Variants in FRMPD4 observed in about 807,000 individuals in gnomAD.
FRMPD4 encodes the protein FERM and PDZ domain containing 4.
A neutral mutation model predicts 94.1 loss-of-function variants in FRMPD4; 22 were observed. The ratio of observed to expected loss-of-function variants is 0.23; its 90% CI spans 0.17 to 0.33. The LOEUF (loss-of-function observed/expected upper bound fraction) is 0.33, where lower values mean the gene tolerates loss of function less well. Among genes scored for constraint, FRMPD4 ranks in the 10% least tolerant of loss-of-function variants. The probability of loss-of-function intolerance (pLI) is 1.00; values close to 1 mark genes in which losing one functional copy is unlikely to be tolerated. For missense variants in FRMPD4, 1,111 were observed against 1,339.9 expected, an observed-to-expected ratio of 0.83 and a Z score of 2.67; for synonymous variants, 631 against 548.6, an observed-to-expected ratio of 1.15 and a Z score of -2.10.
chrX:12,648,229 C>A (rs965846258), intron 4 of FRMPD4, among the ~76,000 whole-genome samples: 1 of 111,557 alleles, frequency 9.0e-6, no homozygotes, highest in East Asian at 2.8e-4. Flanking sequence ...AGTCTTCCTT[C>A]GTAGACTTCT....
intron 3 of FRMPD4, among the ~76,000 whole-genome samples, chrX:11,911,091 C>T (rs900740023): frequency 2.7e-5 from 3 of 112,252 alleles, no homozygotes; most frequent in African/African-American, 3.2e-5. Flanking sequence ...TTTGCCATCT[C>T]GATCTCAGCT....
At chrX:12,692,652 G>A (rs1344945441) in intron 8 of FRMPD4, among the ~76,000 whole-genome samples, 1 of 112,030 alleles carries the variant, frequency 8.9e-6, no homozygotes, top group Non-Finnish European at 1.9e-5. Context: ...ATGGCTTGAG[G>A]CAACCTTTTT....
intron 1 of FRMPD4, among the ~76,000 whole-genome samples, chrX:12,205,318 G>A (rs995514795): frequency 9.0e-6 from 1 of 111,290 alleles, no homozygotes; most frequent in Admixed American, 9.5e-5. Context: ...AACCTAAATC[G>A]ACTGTCTCTT....
chrX:12,490,499 G>A (rs990824091), intron 1 of FRMPD4, among the ~76,000 whole-genome samples: 1 of 112,222 alleles, frequency 8.9e-6, no homozygotes, highest in Non-Finnish European at 1.9e-5. Flanking sequence ...CTAGAACAGC[G>A]TGTGGTACAA....
At chrX:12,475,793 A>G (rs1364659583) in intron 1 of FRMPD4, among the ~76,000 whole-genome samples, 1 of 111,901 alleles carries the variant, frequency 8.9e-6, no homozygotes. Context: ...ACTACAAACC[A>G]CTGCTCAATG....
At chrX:11,874,396 C>T (rs188176455) in intron 2 of FRMPD4, among the ~76,000 whole-genome samples, 133 of 112,220 alleles carry the variant, frequency 1.2e-3, no homozygotes, top group East Asian at 3.9e-3. Context: ...GTGATCCTTC[C>T]GCCTCAGCCT....
intron 4 of FRMPD4, among the ~76,000 whole-genome samples, chrX:12,615,973 G>A (rs781545094): frequency 9.0e-6 from 1 of 110,952 alleles, no homozygotes; most frequent in Non-Finnish European, 1.9e-5. Context: ...AAGCACTCTT[G>A]GAAGAACTGG....
intron 3 of FRMPD4, among the ~76,000 whole-genome samples, chrX:11,932,415 G>A (rs1053892427): frequency 1.3e-4 from 15 of 111,343 alleles, no homozygotes; most frequent in African/African-American, 4.9e-4. Context: ...AAAGTCATAA[G>A]TTTTCTAACT....
At chrX:12,621,999 AAAG>A (rs1243003289) in intron 4 of FRMPD4, among the ~76,000 whole-genome samples, 1 of 46,977 alleles carries the variant, frequency 2.1e-5, no homozygotes, top group Non-Finnish European at 3.7e-5. Flanking sequence ...AGAAAGAAAG[AAAG>A]AAAGAAAGAA....
intron 8 of FRMPD4, among the ~76,000 whole-genome samples, chrX:12,691,182 T>G (rs759926560): frequency 1.8e-5 from 2 of 112,454 alleles, no homozygotes; most frequent in Admixed American, 1.9e-4. Context: ...AATAGATTAG[T>G]TCAAAAGTTG....
At chrX:11,832,769 G>T (rs1569106296) in intron 1 of FRMPD4, among the ~76,000 whole-genome samples, 1 of 111,736 alleles carries the variant, frequency 8.9e-6, no homozygotes, top group Non-Finnish European at 1.9e-5. Context: ...CTGCACACAG[G>T]CACAGACTCC....
intron 1 of FRMPD4, among the ~76,000 whole-genome samples, chrX:12,291,382 T>C (rs2054686672): frequency 1.8e-5 from 2 of 111,812 alleles, no homozygotes; most frequent in Non-Finnish European, 3.8e-5. Context: ...TCCAGAGGAT[T>C]GTCCTCGGCT....
intron 4 of FRMPD4, among the ~76,000 whole-genome samples, chrX:12,660,208 C>T (rs778349925): frequency 2.7e-5 from 3 of 112,216 alleles, no homozygotes; most frequent in Admixed American, 1.9e-4. Flanking sequence ...TATATGTAAG[C>T]GAGTTAATTC....
intron 5 of FRMPD4, among the ~76,000 whole-genome samples, chrX:12,676,296 G>T (rs950508275): frequency 8.9e-6 from 1 of 112,458 alleles, no homozygotes; most frequent in African/African-American, 3.2e-5. Context: ...GCTGTTTTTA[G>T]ATTGTTTTGG....
At chrX:12,270,310 G>T (rs1453512269) in intron 1 of FRMPD4, among the ~76,000 whole-genome samples, 1 of 111,092 alleles carries the variant, frequency 9.0e-6, no homozygotes, top group Non-Finnish European at 1.9e-5. Context: ...TATCTTGGAT[G>T]AACTGTGTAA....
intron 1 of FRMPD4, among the ~76,000 whole-genome samples, chrX:12,413,312 T>C (rs1232368915): frequency 8.9e-6 from 1 of 112,159 alleles, no homozygotes; most frequent in Non-Finnish European, 1.9e-5. Flanking sequence ...GTATGGTAGC[T>C]GGCTGGATAA....
At chrX:11,941,394 G>C (rs2054159242) in intron 3 of FRMPD4, among the ~76,000 whole-genome samples, 1 of 111,389 alleles carries the variant, frequency 9.0e-6, no homozygotes, top group African/African-American at 3.3e-5. Flanking sequence ...TTACCTATAG[G>C]TCATTCTGGT....
intron 5 of FRMPD4, among the ~76,000 whole-genome samples, chrX:12,682,517 T>C (rs1483459957): frequency 8.9e-6 from 1 of 112,833 alleles, no homozygotes; most frequent in Non-Finnish European, 1.9e-5. Flanking sequence ...TTCAAACTAT[T>C]TACCTCTGTA....
chrX:12,027,214 T>A (rs1164279403), intron 3 of FRMPD4, among the ~76,000 whole-genome samples: 1 of 112,301 alleles, frequency 8.9e-6, no homozygotes, highest in African/African-American at 3.2e-5. Context: ...TAGGGCTCAT[T>A]GTTACTCTGA....
Sources: allele counts gnomAD v4.1 joint callset (sites outside exome capture counted in the v4.1 genomes callset), GRCh38; gene constraint gnomAD v4.1.1; transcripts MANE v1.5; gene names NCBI Gene and HGNC (gene_info 2026-07-23, HGNC 2026-07-21).